The following USH2A variants were observed in gnomAD, a reference collection of about 807,000 sequenced individuals.
The protein encoded by USH2A is usherin.
Under a neutral mutation model 538.9 loss-of-function variants are expected in USH2A, and 443 were observed. The ratio of observed to expected loss-of-function variants is 0.82; its 90% CI spans 0.76 to 0.89. The LOEUF (loss-of-function observed/expected upper bound fraction) is 0.89. USH2A is among the 40% of genes least tolerant of loss of function. The pLI is 0.00. For missense variants in USH2A, 6,633 were observed against 6,324.8 expected (o/e 1.05, Z -1.65); for synonymous variants, 2,413 against 2,273.5 (o/e 1.06, Z -1.75).
At chr1:216,156,295 C>CTTTTTTTTTTTTTTTTTTTT (rs35698520) in intron 21 of USH2A, among the ~76,000 whole-genome samples, 45 of 105,516 alleles carry the variant, frequency 4.3e-4, no homozygotes, top group African/African-American at 6.5e-4. Context: ...TTTTTTTTTT[C>CTTTTTTTTTTTTTTTTTTTT]TTTTTTTTTT....
At chr1:215,735,278 T>C (rs922996112) in intron 60 of USH2A, among the ~76,000 whole-genome samples, 8 of 152,232 alleles carry the variant, frequency 5.3e-5, no homozygotes, top group African/African-American at 1.9e-4. Context: ...CTAAAGGTGC[T>C]AGCTGTTTCC....
chr1:216,421,709 T>C (rs2039678705), intron 2 of USH2A, 143 bp downstream of exon 2: 1 of 1,330,420 alleles, frequency 7.5e-7, no homozygotes, highest in Non-Finnish European at 1.0e-6. Context: ...AAATTTTAAT[T>C]GGGGAAACAA....
intron 32 of USH2A, among the ~76,000 whole-genome samples, chr1:216,002,622 A>G (rs1668290568): frequency 6.6e-6 from 1 of 152,128 alleles, no homozygotes; most frequent in Non-Finnish European, 1.5e-5. Flanking sequence ...TATAATAGCC[A>G]TATCAGATTG....
At chr1:216,048,288 G>A (rs774998138) in intron 31 of USH2A, among the ~76,000 whole-genome samples, 22 of 152,140 alleles carry the variant, frequency 1.4e-4, no homozygotes, top group Non-Finnish European at 2.9e-4. Flanking sequence ...CATGAACAAT[G>A]TAACAGCAAT....
chr1:216,267,392 G>A (rs1194787553), intron 11 of USH2A, among the ~76,000 whole-genome samples: 1 of 152,120 alleles, frequency 6.6e-6, no homozygotes, highest in Non-Finnish European at 1.5e-5. Context: ...GGAGGCATGA[G>A]CCTAGACAAG....
intron 11 of USH2A, among the ~76,000 whole-genome samples, chr1:216,269,880 A>G (rs1231285646): frequency 6.6e-6 from 1 of 152,122 alleles, no homozygotes; most frequent in African/African-American, 2.4e-5. Context: ...CTGACAACAG[A>G]AAAGAGTAAG....
At chr1:216,037,880 C>T (rs1332266115) in intron 32 of USH2A, among the ~76,000 whole-genome samples, 1 of 151,742 alleles carries the variant, frequency 6.6e-6, no homozygotes, top group Non-Finnish European at 1.5e-5. Context: ...TGTAGTTCCC[C>T]TCTATGTGTC....
At chr1:216,283,343 G>A (rs923861928) in intron 11 of USH2A, among the ~76,000 whole-genome samples, 22 of 152,194 alleles carry the variant, frequency 1.4e-4, no homozygotes, top group African/African-American at 4.8e-4. Flanking sequence ...ACCCGCCTCG[G>A]CTTCCCAAAG....
rs530977664 is a variant in USH2A at position 216,169,178 on chromosome 1, C to T, written c.4627+6074G>A. Among the ~76,000 whole-genome samples the T allele has an allele frequency of 3.3e-5, 5 of 152,144 alleles. No homozygotes were observed. The South Asian group carries it at 8.3e-4, about 25-fold the overall frequency. Reference sequence around the variant, plus strand: ...TGTGGGATGAGTATATAGGAACACACGTGTGGTTTATATATCAGGTGACAA... The same window carrying T: ...TGTGGGATGAGTATATAGGAACACATGTGTGGTTTATATATCAGGTGACAA... On this transcript the variant is annotated intron_variant, in intron 21 of 71. Transcript: ENST00000307340.
chr1:216,117,946 T>C (rs1159209346), intron 21 of USH2A, among the ~76,000 whole-genome samples: 1 of 151,984 alleles, frequency 6.6e-6, no homozygotes, highest in Non-Finnish European at 1.5e-5. Context: ...GGAGTCATTT[T>C]GTTAAGATAT....
rs1231224220 is a variant in USH2A at position 216,014,544 on chromosome 1, T to C, written c.6326-13982A>G. Among the ~76,000 whole-genome samples the C allele has an allele frequency of 4.6e-5, 7 of 152,120 alleles. No homozygotes were observed. In the East Asian group the frequency reaches 9.6e-4, roughly 21 times the overall value. On this transcript the variant is annotated intron_variant, in intron 32 of 71. Transcript: ENST00000307340. Reference sequence around the variant, plus strand: ...TTGCAGGTATGTACACAAATCTGAGTTGGGTAAATGGAGGGTGGGGAAACC... The same window carrying C: ...TTGCAGGTATGTACACAAATCTGAGCTGGGTAAATGGAGGGTGGGGAAACC...
intron 21 of USH2A, among the ~76,000 whole-genome samples, chr1:216,151,423 G>C (rs976777076): frequency 1.3e-5 from 2 of 152,044 alleles, no homozygotes; most frequent in Non-Finnish European, 2.9e-5. Flanking sequence ...AGAGCTCCCT[G>C]TTCCCCTCAT....
intron 41 of USH2A, among the ~76,000 whole-genome samples, chr1:215,883,216 A>G (rs936249497): frequency 1.3e-5 from 2 of 152,138 alleles, no homozygotes; most frequent in African/African-American, 4.8e-5. Flanking sequence ...CCAACCTAAT[A>G]TATCCTCTTA....
intron 3 of USH2A, among the ~76,000 whole-genome samples, chr1:216,383,850 C>T (rs999122215): frequency 2.6e-4 from 36 of 139,524 alleles, no homozygotes; most frequent in African/African-American, 3.4e-4. Flanking sequence ...AATTTTTTTT[C>T]TTTCTTTCTT....
chr1:216,277,384 G>T (rs1277406432), intron 11 of USH2A, among the ~76,000 whole-genome samples: 1 of 152,050 alleles, frequency 6.6e-6, no homozygotes, highest in Non-Finnish European at 1.5e-5. Flanking sequence ...GATACATGCT[G>T]CTATGATATG....
At chr1:215,855,206 C>T (rs1309305096) in intron 44 of USH2A, among the ~76,000 whole-genome samples, 1 of 152,116 alleles carries the variant, frequency 6.6e-6, no homozygotes, top group Non-Finnish European at 1.5e-5. Flanking sequence ...TTTCTGATGA[C>T]ATGATTGTGT....
chr1:215,843,673 G>A (rs554241086), intron 46 of USH2A, among the ~76,000 whole-genome samples: 4 of 152,178 alleles, frequency 2.6e-5, no homozygotes, highest in Middle Eastern at 6.8e-3. Context: ...TCACATATGC[G>A]GAGAACATTG....
chr1:216,036,103 C>T (rs549149299), intron 32 of USH2A, among the ~76,000 whole-genome samples: 2 of 152,132 alleles, frequency 1.3e-5, no homozygotes, highest in African/African-American at 2.4e-5. Context: ...TAGAGGTCAT[C>T]TATGGTATTG....
At chr1:215,804,646 G>T (rs974773168) in intron 49 of USH2A, among the ~76,000 whole-genome samples, 1 of 149,996 alleles carries the variant, frequency 6.7e-6, no homozygotes. Flanking sequence ...AGGTGCTGGA[G>T]AGGATGTGGA....
Sources: gnomAD v4.1 joint callset for allele counts (sites outside exome capture counted in the v4.1 genomes callset) on GRCh38, gnomAD v4.1.1 for gene constraint, MANE v1.5 for transcripts, NCBI Gene and HGNC (gene_info 2026-07-23, HGNC 2026-07-21) for gene names.